The following TTLL8 variants were observed in gnomAD, a reference collection of about 807,000 sequenced individuals.
TTLL8 encodes the protein protein monoglycylase TTLL8.
A neutral mutation model predicts 77.8 loss-of-function variants in TTLL8; 65 were observed. The observed-to-expected ratio is 0.84, with a 90% CI of 0.68 to 1.03. The LOEUF (loss-of-function observed/expected upper bound fraction) is 1.03, where lower values mean the gene tolerates loss of function less well. Among genes scored for constraint, TTLL8 ranks in the 50% least tolerant of loss-of-function variants. TTLL8 has a pLI of 0.00. For missense variants in TTLL8, 910 were observed against 1,004.5 expected, an observed-to-expected ratio of 0.91 and a Z score of 1.27; for synonymous variants, 402 against 422.8, an observed-to-expected ratio of 0.95 and a Z score of 0.60.
intron 11 of TTLL8, 39 bp downstream of exon 12, chr22:50,031,647 G>A (rs1203124721): frequency 1.1e-5 from 14 of 1,226,580 alleles, no homozygotes; most frequent in Admixed American, 5.7e-5. Flanking sequence ...TCCACATGGC[G>A]GGCGGCCACC....
intron 6 of TTLL8, 193 bp downstream of exon 8, chr22:50,045,062 G>T: frequency 2.6e-6 from 1 of 382,710 alleles, no homozygotes; most frequent in Non-Finnish European, 3.6e-6. Flanking sequence ...CAAACGGGGT[G>T]ACTTTGACGT....
Position 50,045,682 on chromosome 22 carries a change from C to T in TTLL8, c.508+174G>A, listed in dbSNP as rs2061405906. On this transcript the variant is annotated intron_variant, in intron 5 of 13. Transcript: ENST00000266182. ...GAACCACACACTCCTTGACTGCCCG[C>T]CCTCCCTCCCGGGGCCCCTGGCCTC... 4.7e-6 allele frequency: 4 copies of T among 855,282 alleles called. No homozygotes were observed. In the South Asian group the frequency reaches 1.6e-4, roughly 34 times the overall value. 53.0% of individuals were successfully genotyped at this position (855,282 alleles called of 1,614,324 possible). A position where few individuals can be genotyped will look rare whatever the true frequency, so the allele number is the denominator to read the frequency against.
At chr22:50,045,610 C>G (rs1012777259) in intron 5 of TTLL8, among the ~76,000 whole-genome samples, 1 of 152,206 alleles carries the variant, frequency 6.6e-6, no homozygotes, top group Non-Finnish European at 1.5e-5. Context: ...GACCACGGAG[C>G]CGGCCTTGCC....
intron 1 of TTLL8, among the ~76,000 whole-genome samples, chr22:50,052,650 G>T (rs569633696): frequency 6.6e-6 from 1 of 152,120 alleles, no homozygotes; most frequent in African/African-American, 2.4e-5. Flanking sequence ...AGACAAAATA[G>T]TCTTTGGGAC....
At chr22:50,032,791 G>A (rs115025532) in intron 10 of TTLL8, among the ~76,000 whole-genome samples, 3,541 of 152,252 alleles carry the variant, frequency 0.023, 136 homozygotes, top group African/African-American at 0.081. Flanking sequence ...TCCTGCCCAC[G>A]CGGGGACCCG....
At chr22:50,032,841 C>T (rs1041144224) in intron 10 of TTLL8, among the ~76,000 whole-genome samples, 3 of 152,194 alleles carry the variant, frequency 2.0e-5, no homozygotes, top group Non-Finnish European at 2.9e-5. Context: ...AGCACACTTG[C>T]GGATATCTGA....
At position 50,041,425 on chromosome 22, in the gene TTLL8, C is replaced by A. The variant is rs2061369920; in HGVS notation, c.831-148G>T. 2.8e-6 allele frequency: 3 copies of A among 1,065,360 alleles called. No individual in the cohort carries two copies. The highest frequency in any genetic ancestry group is 2.5e-6 in the Non-Finnish European group (2 of 803,058). The allele number at this position is 1,065,360 out of a possible 1,614,324, so 66.0% of individuals were successfully genotyped here. ...AGTATCCCAGACATCCAGACAGACA[C>A]CACAATACTCAACAAGCATCCCAGA... On this transcript the variant is annotated intron_variant, in intron 7 of 13. Transcript: ENST00000266182. The surrounding 1 kb of genome is among the most constrained non-coding windows in gnomAD (Gnocchi z 4.3).
chr22:50,051,963 C>T (rs933090294), intron 1 of TTLL8, among the ~76,000 whole-genome samples: 2 of 151,366 alleles, frequency 1.3e-5, no homozygotes, highest in African/African-American at 4.8e-5. Context: ...CCCAGGCACA[C>T]AGCGGACGAA....
intron 12 of TTLL8, among the ~76,000 whole-genome samples, chr22:50,029,785 CG>C (rs1346023408): frequency 1.3e-5 from 2 of 152,162 alleles, no homozygotes; most frequent in African/African-American, 4.8e-5. Flanking sequence ...ACCCCCACCA[CG>C]CCCTCGCGAG....
chr22:50,045,365 G>T, exon 6 of TTLL8: 1 of 1,366,148 alleles, frequency 7.3e-7, no homozygotes, highest in Non-Finnish European at 9.8e-7. Context: ...GAGGATGCTG[G>T]ATGCCATGGT....
chr22:50,034,624 G>T lies in TTLL8; in HGVS notation c.922-162C>A. On this transcript the variant is annotated intron_variant, in intron 8 of 13. Coordinates refer to ENST00000266182, the Ensembl canonical transcript of TTLL8. This position sits in a 1 kb window ranked among gnomAD's most constrained non-coding sequence, Gnocchi z 4.1. ...CTGGCCTGGCGGGAAAGGGCTGCGG[G>T]TCGGCCCAGGAAGTTCTCCCAACAG... 1.5e-6 allele frequency: 1 copy of T among 649,614 alleles called. No homozygotes were observed. Among genetic ancestry groups the T allele is most frequent in the Non-Finnish European group, 2.3e-6 (1 of 443,086 alleles). 40.2% of individuals were successfully genotyped at this position (649,614 alleles called of 1,614,324 possible).
intron 6 of TTLL8, 152 bp downstream of exon 8, chr22:50,045,103 C>T (rs1722260882): frequency 1.4e-6 from 1 of 721,616 alleles, no homozygotes; most frequent in Non-Finnish European, 1.7e-6. Context: ...GAAAACCCGT[C>T]TGCCATGAGA....
At chr22:50,050,070 A>G in intron 2 of TTLL8, 39 bp downstream of exon 4, 1 of 1,358,836 alleles carries the variant, frequency 7.4e-7, no homozygotes, top group Non-Finnish European at 9.8e-7. Context: ...TGACAGACGC[A>G]CACGCCCTGA....
intron 8 of TTLL8, among the ~76,000 whole-genome samples, chr22:50,036,955 G>A (rs1165257313): frequency 6.6e-6 from 1 of 152,106 alleles, no homozygotes; most frequent in African/African-American, 2.4e-5. Flanking sequence ...GCATAGCTCA[G>A]CCCCTCCTTG....
In TTLL8 at chr22:50,030,220, C is replaced by T. The variant is rs1047280959; in HGVS notation, c.2203+210G>A. The T allele has an allele frequency of 1.9e-5, 19 of 985,328 alleles. No homozygotes were observed. In the South Asian group the frequency reaches 8.5e-4, roughly 44 times the overall value. The allele number at this position is 985,328 out of a possible 1,614,324, so 61.0% of individuals were successfully genotyped here. A position where few individuals can be genotyped will look rare whatever the true frequency, so the allele number is the denominator to read the frequency against. ...CCACCTGGCCGGCACTCCCACGCCCCCCACCCCGAGACCCCCGTGCCGGGC... is the reference window on the plus strand; with the variant it reads ...CCACCTGGCCGGCACTCCCACGCCCTCCACCCCGAGACCCCCGTGCCGGGC... On this transcript the variant is annotated intron_variant, in intron 12 of 13. Transcript: ENST00000266182.
chr22:50,035,926 C>T (rs955774586), intron 8 of TTLL8, among the ~76,000 whole-genome samples: 17 of 152,240 alleles, frequency 1.1e-4, no homozygotes, highest in African/African-American at 4.1e-4. Context: ...CACAAGTGTA[C>T]GCGCCACTGT....
chr22:50,045,725 G>T, intron 5 of TTLL8, 131 bp downstream of exon 7: 1 of 1,212,314 alleles, frequency 8.2e-7, no homozygotes, highest in Non-Finnish European at 1.1e-6. Flanking sequence ...CCATGACCAT[G>T]ACCATGGGAG....
At chr22:50,030,503 C>A in exon 12 of TTLL8, 1 of 1,342,264 alleles carries the variant, frequency 7.5e-7, no homozygotes, top group Non-Finnish European at 9.9e-7. Flanking sequence ...CCAGCGGGTG[C>A]GCATTTAGCT....
intron 12 of TTLL8, among the ~76,000 whole-genome samples, chr22:50,021,777 C>T (rs1181648255): frequency 7.5e-6 from 1 of 133,420 alleles, no homozygotes; most frequent in African/African-American, 2.8e-5. Context: ...GACGTGCACT[C>T]CTCCATCTGA....
Sources: allele counts gnomAD v4.1 joint callset (sites outside exome capture counted in the v4.1 genomes callset), GRCh38; gene constraint gnomAD v4.1.1; non-coding constraint Gnocchi (gnomAD v3.1); transcripts MANE v1.5; gene names NCBI Gene and HGNC (gene_info 2026-07-23, HGNC 2026-07-21).